TRMT61B: variants seen among roughly 807,000 people sequenced by gnomAD.
TRMT61B encodes tRNA (adenine(58)-N(1))-methyltransferase, mitochondrial.
In TRMT61B, 56 loss-of-function variants were observed where a neutral mutation model predicts 52.0. The ratio of observed to expected loss-of-function variants is 1.08; its 90% CI spans 0.87 to 1.35. The LOEUF is 1.35. Among genes scored for constraint, TRMT61B ranks in the 40% most tolerant of loss-of-function variants. The probability of loss-of-function intolerance (pLI) is 0.00; values close to 1 mark genes in which losing one functional copy is unlikely to be tolerated. For synonymous variants in TRMT61B, 206 were observed against 220.0 expected (o/e 0.94, Z 0.56); for missense variants, 650 against 577.9 (o/e 1.12, Z -1.28).
chr2:28,865,052 C>G lies in TRMT61B; in HGVS notation c.767G>C (p.Gly256Ala). The change falls in exon 2 of 7, where the codon GGC (glycine) becomes GCC (alanine). Residue 256 changes from glycine to alanine, a missense_variant. Physicochemically the swap from Gly to Ala is moderately conservative, Grantham distance 60. Coordinates refer to ENST00000306108, the MANE Select transcript of TRMT61B (RefSeq NM_017910.4). ...PGDTVLEAGSGSGGMSLFLSK... is the reference protein window; with the variant it reads ...PGDTVLEAGSASGGMSLFLSK... ...TAAAAATAAGCTCATTCCACCAGAG[C>G]CTGAGCCAGCTTCCAAAACAGTATC... 6.2e-7 allele frequency: 1 copy of G among 1,613,108 alleles called. No homozygotes were observed. The highest frequency in any genetic ancestry group is 1.1e-5 in the South Asian group (1 of 91,030).
intron 3 of TRMT61B, among the ~76,000 whole-genome samples, chr2:28,860,753 C>G (rs538931093): frequency 6.6e-6 from 1 of 152,294 alleles, no homozygotes; most frequent in Admixed American, 6.5e-5. Flanking sequence ...ATGGAAGCTA[C>G]TTATTCCCCC....
intron 5 of TRMT61B, 60 bp downstream of exon 5, chr2:28,851,012 T>A: frequency 9.3e-7 from 1 of 1,079,772 alleles, no homozygotes; most frequent in Non-Finnish European, 1.3e-6. Flanking sequence ...TATTGGTCAG[T>A]ATACTCAGGA....
At position 28,852,648 on chromosome 2, in the gene TRMT61B, C is replaced by T. The variant is rs1391634673; in HGVS notation, c.994-149G>A. ...AGTATTATTAACTATCATTTTACCA[C>T]TCCCAAAAGGGTATGTTAATTATTA... On this transcript the variant is annotated intron_variant, in intron 3 of 6. Transcript: ENST00000306108. The T allele has an allele frequency of 1.3e-5, 8 of 615,962 alleles. No homozygotes were observed. The East Asian group carries it at 2.3e-4, about 17-fold the overall frequency. The allele number at this position is 615,962 out of a possible 1,614,324, so 38.2% of individuals were successfully genotyped here.
At chr2:28,857,212 C>T (rs2148129857) in intron 3 of TRMT61B, among the ~76,000 whole-genome samples, 1 of 152,096 alleles carries the variant, frequency 6.6e-6, no homozygotes, top group East Asian at 1.9e-4. Flanking sequence ...GGGATTACGG[C>T]CATGAACCAT....
At chr2:28,867,456 A>G (rs1228429705) in intron 1 of TRMT61B, among the ~76,000 whole-genome samples, 1 of 152,176 alleles carries the variant, frequency 6.6e-6, no homozygotes, top group East Asian at 1.9e-4. Flanking sequence ...ATCAGTTTTT[A>G]AACATCAGTG....
chr2:28,859,046 C>T (rs1213982531), intron 3 of TRMT61B, among the ~76,000 whole-genome samples: 3 of 149,856 alleles, frequency 2.0e-5, no homozygotes, highest in East Asian at 4.1e-4. Flanking sequence ...AGGCGCCCAC[C>T]GCCATGCCTG....
At chr2:28,862,161 C>T (rs927499881) in intron 2 of TRMT61B, among the ~76,000 whole-genome samples, 3 of 140,602 alleles carry the variant, frequency 2.1e-5, no homozygotes, top group African/African-American at 5.3e-5. Context: ...AGCCAAGATG[C>T]GCCACTGCAC....
In TRMT61B at chr2:28,852,400, T is replaced by A. The variant is rs1346488934; in HGVS notation, c.1085+8A>T. 4 of 1,512,048 alleles carry A rather than the reference T, an allele frequency of 2.6e-6. No individual in the cohort carries two copies. The highest frequency in any genetic ancestry group is 1.7e-4 in the Middle Eastern group (1 of 5,836). The allele number at this position is 1,512,048 out of a possible 1,614,324, so 93.7% of individuals were successfully genotyped here. A position where few individuals can be genotyped will look rare whatever the true frequency, so the allele number is the denominator to read the frequency against. On this transcript the variant is annotated splice_region_variant and intron_variant, in intron 4 of 6. Coordinates refer to ENST00000306108, the MANE Select transcript of TRMT61B (RefSeq NM_017910.4). ...TACATTACAAAGAAAAACAGTTATA[T>A]TACTCACTTTACTACATATACAGCA...
intron 3 of TRMT61B, among the ~76,000 whole-genome samples, chr2:28,857,582 C>T (rs1025313413): frequency 6.6e-6 from 1 of 152,156 alleles, no homozygotes; most frequent in Non-Finnish European, 1.5e-5. Flanking sequence ...TACATGAATT[C>T]TCTTATTTAA....
chr2:28,859,011 C>G (rs1450896731), intron 3 of TRMT61B, among the ~76,000 whole-genome samples: 1 of 151,156 alleles, frequency 6.6e-6, no homozygotes, highest in African/African-American at 2.4e-5. Flanking sequence ...TCTCCTGACT[C>G]GGCCTCCCAA....
intron 3 of TRMT61B, among the ~76,000 whole-genome samples, chr2:28,859,351 G>A (rs1230374587): frequency 1.3e-5 from 2 of 152,186 alleles, no homozygotes; most frequent in Non-Finnish European, 2.9e-5. Context: ...AAAGTGCTGG[G>A]ATTACAGGCG....
At chr2:28,858,794 C>CAAAAAAAAAAAA (rs1033258916) in intron 3 of TRMT61B, among the ~76,000 whole-genome samples, 1 of 23,586 alleles carries the variant, frequency 4.2e-5, no homozygotes, top group African/African-American at 1.5e-4. Flanking sequence ...GACTCCGTCT[C>CAAAAAAAAAAAA]AAAAAAAAAA....
chr2:28,851,762 C>T (rs1669108044), intron 4 of TRMT61B, among the ~76,000 whole-genome samples: 1 of 150,312 alleles, frequency 6.7e-6, no homozygotes, highest in South Asian at 2.1e-4. Flanking sequence ...ACCTGTAATC[C>T]CAGCTACTCA....
At position 28,850,963 on chromosome 2, in the gene TRMT61B, C is replaced by T. The variant is rs914095956; in HGVS notation, c.1312+109G>A. 26 of 709,760 alleles carry T rather than the reference C, an allele frequency of 3.7e-5. 1 individual carries two copies. The South Asian group carries it at 5.2e-4, about 14-fold the overall frequency. The allele number at this position is 709,760 out of a possible 1,614,324, so 44.0% of individuals were successfully genotyped here. On this transcript the variant is annotated intron_variant, in intron 5 of 6. Coordinates refer to ENST00000306108, the MANE Select transcript of TRMT61B (RefSeq NM_017910.4). ...ACATCTTAACAGAATAAATATCACACTTTTCTATAGAAAATTGCTGAGGAA... is the reference window on the plus strand; with the variant it reads ...ACATCTTAACAGAATAAATATCACATTTTTCTATAGAAAATTGCTGAGGAA...
At chr2:28,866,237 C>T (rs879386162) in intron 1 of TRMT61B, among the ~76,000 whole-genome samples, 6 of 151,986 alleles carry the variant, frequency 3.9e-5, no homozygotes, top group East Asian at 1.9e-4. Flanking sequence ...GTGATCTGCC[C>T]GCCTCGGCCT....
At chr2:28,860,007 C>CA (rs1372995279) in intron 3 of TRMT61B, among the ~76,000 whole-genome samples, 1 of 152,076 alleles carries the variant, frequency 6.6e-6, no homozygotes, top group Non-Finnish European at 1.5e-5. Context: ...CACAGTGGCT[C>CA]ATGCCTGTAA....
intron 2 of TRMT61B, among the ~76,000 whole-genome samples, chr2:28,864,811 G>T (rs1669759666): frequency 6.6e-6 from 1 of 152,108 alleles, no homozygotes; most frequent in Non-Finnish European, 1.5e-5. Context: ...GTAAAACAAA[G>T]CAAAGAAAAT....
chr2:28,869,468 T>C (rs1669988747), intron 1 of TRMT61B, 111 bp downstream of exon 1: 5 of 740,060 alleles, frequency 6.8e-6, no homozygotes, highest in Non-Finnish European at 8.9e-6. Flanking sequence ...CTGAGTACAA[T>C]AAAAAATCCA....
chr2:28,860,272 CAAAAAAAAAAAAAA>C (rs540569211), intron 3 of TRMT61B, among the ~76,000 whole-genome samples: 292 of 24,480 alleles, frequency 0.012, 1 homozygote, highest in African/African-American at 0.025. Flanking sequence ...ACTCTGTTGC[CAAAAAAAAAAAAAA>C]AAAAAAAAAA....
Sources: gnomAD v4.1 joint callset for allele counts (sites outside exome capture counted in the v4.1 genomes callset) on GRCh38, gnomAD v4.1.1 for gene constraint, MANE v1.5 for transcripts, NCBI Gene and HGNC (gene_info 2026-07-23, HGNC 2026-07-21) for gene names.